PCOLCE: variants seen among roughly 807,000 people sequenced by gnomAD.
The protein encoded by PCOLCE is procollagen C-endopeptidase enhancer.
A neutral mutation model predicts 47.2 loss-of-function variants in PCOLCE; 33 were observed. The observed-to-expected ratio is 0.70, with a 90% CI of 0.53 to 0.93. The LOEUF is 0.93. Ranked by LOEUF, PCOLCE falls within the 40% of genes least tolerant of loss-of-function variation. The probability of loss-of-function intolerance (pLI) is 0.00; values close to 1 mark genes in which losing one functional copy is unlikely to be tolerated. For synonymous variants in PCOLCE, 254 were observed against 252.5 expected, an observed-to-expected ratio of 1.01 and a Z score of -0.06; for missense variants, 584 against 585.3, an observed-to-expected ratio of 1.00 and a Z score of 0.02.
Position 100,604,071 on chromosome 7 carries a change from A to G in PCOLCE, c.317A>G (p.Gln106Arg). 2.5e-6 allele frequency: 4 copies of G among 1,609,094 alleles called. No individual in the cohort carries two copies. The highest frequency in any genetic ancestry group is 2.5e-6 in the Non-Finnish European group (3 of 1,179,978). ...TTCGCTGGGTCTGGGACTTCCGGCC[A>G]GCGGCTCGGACGCTTTTGTGGGACC... is the stretch of plus-strand genomic sequence containing the variant. ...EVFAGSGTSG[Q>R]RLGRFCGTFR... The change falls in exon 3 of 9, where the codon CAG becomes CGG. Residue 106 changes from glutamine to arginine, a missense_variant. Coordinates refer to ENST00000223061, the MANE Select transcript of PCOLCE (RefSeq NM_002593.4). The surrounding 1 kb of genome is among the most constrained non-coding windows in gnomAD (Gnocchi z 6.4).
intron 1 of PCOLCE, chr7:100,602,788 C>T: frequency 1.8e-6 from 1 of 563,988 alleles, no homozygotes; most frequent in Non-Finnish European, 3.2e-6. Flanking sequence ...TAAGTCTCCC[C>T]ACCCACCCAG....
At chr7:100,603,406 C>T (rs1296392250) in intron 1 of PCOLCE, 24 bp from the exon 2 acceptor site, 1 of 1,125,568 alleles carries the variant, frequency 8.9e-7, no homozygotes, top group Middle Eastern at 2.1e-4. Context: ...CCTGCTCTTT[C>T]CTGACCCCTT....
At chr7:100,607,279 TC>T (rs1379071944) in intron 6 of PCOLCE, among the ~76,000 whole-genome samples, 172 bp from the exon 7 acceptor site, 14 of 152,192 alleles carry the variant, frequency 9.2e-5, no homozygotes, top group Admixed American at 8.5e-4. Context: ...CTACATTCAC[TC>T]ATTGATTCAT....
In PCOLCE at chr7:100,605,774, C is replaced by G; in HGVS notation, c.687C>G (p.Ser229=). ...SVFNGAVSDD[S]RRLGKFCGDA... ...TCAACGGAGCCGTGAGCGACGACTC[C>G]CGGAGGCTGGGGAAGTTCTGCGGCG... is the stretch of plus-strand genomic sequence containing the variant. The change falls in exon 5 of 9, where the codon TCC becomes TCG. Residue 229 remains serine, a synonymous_variant. Coordinates refer to ENST00000223061, the MANE Select transcript of PCOLCE (RefSeq NM_002593.4). The surrounding 1 kb of genome is among the most constrained non-coding windows in gnomAD (Gnocchi z 6.1). 1 of 1,555,920 alleles carries G rather than the reference C, an allele frequency of 6.4e-7. No homozygotes were observed. Among genetic ancestry groups the G allele is most frequent in the Non-Finnish European group, 8.7e-7 (1 of 1,149,546 alleles).
At position 100,605,275 on chromosome 7, in the gene PCOLCE, GC is replaced by G; in HGVS notation, c.588+62del. The G allele has an allele frequency of 6.5e-7, 1 of 1,538,064 alleles. No homozygotes were observed. The highest frequency in any genetic ancestry group is 8.9e-7 in the Non-Finnish European group (1 of 1,128,688). On this transcript the variant is annotated intron_variant, in intron 4 of 8. Transcript: ENST00000223061. This position sits in a 1 kb window ranked among gnomAD's most constrained non-coding sequence, Gnocchi z 6.1. ...CCCAGGCGGCGCCCTCCAGCTTGCAGCCAGCAGAGATTTATTGAAGATCTGC... is the reference window on the plus strand; with the variant it reads ...CCCAGGCGGCGCCCTCCAGCTTGCAGCAGCAGAGATTTATTGAAGATCTGC...
Position 100,607,679 on chromosome 7 carries a change from A to G in PCOLCE, c.1055A>G (p.Glu352Gly). The G allele has an allele frequency of 6.2e-7, 1 of 1,613,984 alleles. No homozygotes were observed. The highest frequency in any genetic ancestry group is 1.1e-5 in the South Asian group (1 of 91,078). ...AAGTCCATGGTTCGGGAGCCAGGGG[A>G]GGGCCTTGCCGTGACTGTCAGTCTT... ...TVKSMVREPG[E>G]GLAVTVSLIG... Residue 352 changes from glutamate (E) to glycine (G), a missense_variant, in exon 8 of 9, where the codon GAG (glutamate) becomes GGG (glycine). Transcript: ENST00000223061.
Position 100,605,123 on chromosome 7 carries a change from G to A in PCOLCE, c.496G>A (p.Ala166Thr), listed in dbSNP as rs561838494. 204 of 1,612,660 alleles carry A rather than the reference G, an allele frequency of 1.3e-4. 1 individual carries two copies. The South Asian group carries it at 2.1e-3, about 16-fold the overall frequency. ...ATTTTGCGGGGGGCGGCTGGAGAAG[G>A]CCCAGGGAACCCTGACCACGCCCAA... is the stretch of plus-strand genomic sequence containing the variant. ...HQFCGGRLEK[A>T]QGTLTTPNWP... The change falls in exon 4 of 9, where the codon GCC (alanine) becomes ACC (threonine). Residue 166 changes from alanine (A) to threonine (T), a missense_variant. Transcript: ENST00000223061. The surrounding 1 kb of genome is among the most constrained non-coding windows in gnomAD (Gnocchi z 6.1).
In PCOLCE at chr7:100,604,161, G is replaced by A. The variant is rs995572251; in HGVS notation, c.407G>A (p.Gly136Asp). The A allele has an allele frequency of 9.9e-6, 16 of 1,613,162 alleles. No individual in the cohort carries two copies. The highest frequency in any genetic ancestry group is 1.4e-5 in the Non-Finnish European group (16 of 1,179,976). Reference protein sequence around the residue: ...QVTLRMTTDEGTGGRGFLLWY... With the variant: ...QVTLRMTTDEDTGGRGFLLWY... ...ACCCTGAGGATGACGACGGATGAGG[G>A]CACAGGAGGACGAGGCTTCCTGCTC... The change falls in exon 3 of 9, where the codon GGC becomes GAC. Residue 136 changes from glycine (G) to aspartate (D), a missense_variant. By Grantham distance (94) the Gly-to-Asp change is moderately conservative. Transcript: ENST00000223061. This position sits in a 1 kb window ranked among gnomAD's most constrained non-coding sequence, Gnocchi z 6.4.
intron 7 of PCOLCE, 40 bp downstream of exon 7, chr7:100,607,563 C>T: frequency 1.2e-6 from 2 of 1,610,084 alleles, no homozygotes; most frequent in Non-Finnish European, 1.7e-6. Context: ...CCTCGAACCA[C>T]CTCCTGCTTC....
chr7:100,603,011 C>A, intron 1 of PCOLCE: 1 of 241,858 alleles, frequency 4.1e-6, no homozygotes, highest in Non-Finnish European at 7.9e-6. Flanking sequence ...AGAGGGCCAT[C>A]GCCACTGCAG....
In PCOLCE at chr7:100,604,287, C is replaced by T; in HGVS notation, c.463+70C>T. 1 of 1,393,004 alleles carries T rather than the reference C, an allele frequency of 7.2e-7. No individual in the cohort carries two copies. The allele number at this position is 1,393,004 out of a possible 1,614,324, so 86.3% of individuals were successfully genotyped here. A position where few individuals can be genotyped will look rare whatever the true frequency, so the allele number is the denominator to read the frequency against. ...CCCGGCCGCAGCCCCGCCCCCAGCC[C>T]TAACCTCCGCCCCGCCCACCCCGCG... On this transcript the variant is annotated intron_variant, in intron 3 of 8. Coordinates refer to ENST00000223061, the MANE Select transcript of PCOLCE (RefSeq NM_002593.4). This position sits in a 1 kb window ranked among gnomAD's most constrained non-coding sequence, Gnocchi z 6.4.
Position 100,606,511 on chromosome 7 carries a change from C to A in PCOLCE, c.821C>A (p.Pro274Gln), listed in dbSNP as rs142335229. The A allele has an allele frequency of 7.8e-5, 126 of 1,614,138 alleles. No individual in the cohort carries two copies. In the African/African-American group the frequency reaches 1.4e-3, roughly 18 times the overall value. Residue 274 changes from proline to glutamine, a missense_variant, in exon 6 of 9, where the codon CCG becomes CAG. Transcript: ENST00000223061. ...TTCTCAGCCTCCTACAAGACCCTGC[C>A]GCGGGGCACTGCCAAAGAAGGGCAA... ...DGFSASYKTL[P>Q]RGTAKEGQGP...
chr7:100,603,807 G>A, intron 2 of PCOLCE, 152 bp from the exon 3 acceptor site: 1 of 828,740 alleles, frequency 1.2e-6, no homozygotes, highest in Non-Finnish European at 1.9e-6. Context: ...CAGCAGAGCT[G>A]CAGAGACCAG....
intron 6 of PCOLCE, among the ~76,000 whole-genome samples, chr7:100,606,966 C>T (rs926985712): frequency 6.6e-5 from 10 of 152,004 alleles, no homozygotes; most frequent in African/African-American, 2.4e-4. Flanking sequence ...TGGTACACAC[C>T]TGTAATCCCA....
chr7:100,603,140 G>C (rs1802643206), intron 1 of PCOLCE: 11 of 337,654 alleles, frequency 3.3e-5, no homozygotes, highest in Middle Eastern at 7.7e-4. Context: ...AGTCTGGAAG[G>C]GGGGCCGAGG....
rs1047504936 is a variant in PCOLCE at position 100,602,696 on chromosome 7, A to G, written c.95+145A>G. Reference sequence around the variant, plus strand: ...CCGCCTCACCCTTCTCTGGCCCCCAAATCCTCCCCATCTGCTGCAAGACCT... The same window carrying G: ...CCGCCTCACCCTTCTCTGGCCCCCAGATCCTCCCCATCTGCTGCAAGACCT... On this transcript the variant is annotated intron_variant, in intron 1 of 8. Coordinates refer to ENST00000223061, the MANE Select transcript of PCOLCE (RefSeq NM_002593.4). 15 of 630,918 alleles carry G rather than the reference A, an allele frequency of 2.4e-5. No individual in the cohort carries two copies. In the Admixed American group the frequency reaches 3.3e-4, roughly 14 times the overall value. The allele number at this position is 630,918 out of a possible 1,614,324, so 39.1% of individuals were successfully genotyped here. A position where few individuals can be genotyped will look rare whatever the true frequency, so the allele number is the denominator to read the frequency against.
At chr7:100,603,915 T>G in intron 2 of PCOLCE, 44 bp from the exon 3 acceptor site, 1 of 1,586,886 alleles carries the variant, frequency 6.3e-7, no homozygotes, top group Non-Finnish European at 8.5e-7. Flanking sequence ...CTGGGTTGTG[T>G]GGGGCCTGAC....
At position 100,606,600 on chromosome 7, in the gene PCOLCE, G is replaced by A; in HGVS notation, c.910G>A (p.Glu304Lys). The change falls in exon 6 of 9, where the codon GAG (glutamate) becomes AAG (lysine). Residue 304 changes from glutamate (E) to lysine (K), a missense_variant. Transcript: ENST00000223061. ...GCTGCCCCCCAAGTCCCAACCTCCG[G>A]AGAAAACAGAGGAATCTCCTTCAGC... ...VKLPPKSQPP[E>K]KTEESPSAPD... 6.2e-7 allele frequency: 1 copy of A among 1,612,754 alleles called. No homozygotes were observed. Among genetic ancestry groups the A allele is most frequent in the Non-Finnish European group, 8.5e-7 (1 of 1,178,922 alleles).
rs1287689753 is a variant in PCOLCE, at chr7:100,605,194, C to T, written c.567C>T (p.His189=). ...CCCCGGGCATCAGCTGTTCCTGGCACATCATCGCGCCCCCGGACCAGGTAC... is the reference window on the plus strand; with the variant it reads ...CCCCGGGCATCAGCTGTTCCTGGCATATCATCGCGCCCCCGGACCAGGTAC... ...DYPPGISCSW[H]IIAPPDQVIA... Residue 189 remains histidine, a synonymous_variant, in exon 4 of 9, where the codon CAC becomes CAT. Coordinates refer to ENST00000223061, the MANE Select transcript of PCOLCE (RefSeq NM_002593.4). The surrounding 1 kb of genome is among the most constrained non-coding windows in gnomAD (Gnocchi z 6.1). 3.1e-6 allele frequency: 5 copies of T among 1,612,516 alleles called. No homozygotes were observed. In the African/African-American group the frequency reaches 6.7e-5, roughly 22 times the overall value.
Sources: allele counts gnomAD v4.1 joint callset (sites outside exome capture counted in the v4.1 genomes callset), GRCh38; gene constraint gnomAD v4.1.1; non-coding constraint Gnocchi (gnomAD v3.1); transcripts MANE v1.5; gene names NCBI Gene and HGNC (gene_info 2026-07-23, HGNC 2026-07-21).